Variants in LRRC7 observed in about 807,000 individuals in gnomAD.
The protein encoded by LRRC7 is leucine-rich repeat-containing protein 7.
LRRC7 carries 23 observed loss-of-function variants against 175.7 expected under a neutral mutation model. That is an observed-to-expected ratio of 0.13 (90% CI 0.09 to 0.19). The LOEUF (loss-of-function observed/expected upper bound fraction) is 0.19. Ranked by LOEUF, LRRC7 falls within the 10% of genes least tolerant of loss-of-function variation. LRRC7 has a pLI of 1.00. For synonymous variants in LRRC7, 685 were observed against 680.9 expected (o/e 1.01, Z -0.09); for missense variants, 1,354 against 1,904.7 (o/e 0.71, Z 5.38).
rs201571161 is a variant in LRRC7 at position 69,994,543 on chromosome 1, C to A, written c.932-18C>A. 8 of 1,542,922 alleles carry A rather than the reference C, an allele frequency of 5.2e-6. No homozygotes were observed. The highest frequency in any genetic ancestry group is 4.5e-5 in the East Asian group (2 of 44,430). On this transcript the variant is annotated intron_variant, in intron 10 of 26. Coordinates refer to ENST00000651989, the MANE Select transcript of LRRC7 (RefSeq NM_001370785.2). ...TAATCTGCTCTTATGTATTAATCAA[C>A]CTTCTTCTCTGCTTTAGGACTTTTG...
At chr1:69,696,037 T>C (rs1254559678) in intron 2 of LRRC7, among the ~76,000 whole-genome samples, 2 of 152,178 alleles carry the variant, frequency 1.3e-5, no homozygotes, top group African/African-American at 4.8e-5. Flanking sequence ...CTGCGGGAAT[T>C]GGGCCACTGC....
intron 17 of LRRC7, 79 bp from the exon 18 acceptor site, chr1:70,028,092 T>C (rs530236035): frequency 2.5e-6 from 3 of 1,216,614 alleles, no homozygotes; most frequent in African/African-American, 1.5e-5. Flanking sequence ...ATTATACTAC[T>C]GAATATAAAA....
intron 23 of LRRC7, among the ~76,000 whole-genome samples, chr1:70,054,744 G>A (rs1045813581): frequency 6.6e-5 from 10 of 151,428 alleles, no homozygotes; most frequent in African/African-American, 2.4e-4. Context: ...GGACTACAGG[G>A]GCCTGCCACC....
intron 4 of LRRC7, among the ~76,000 whole-genome samples, chr1:69,817,506 A>G (rs1678736710): frequency 6.6e-6 from 1 of 152,154 alleles, no homozygotes; most frequent in East Asian, 1.9e-4. Context: ...TGTTTGTGCC[A>G]ATATCAGCCC....
chr1:69,760,403 GACA>G lies in LRRC7; in HGVS notation c.303+13_303+15del. The G allele has an allele frequency of 6.2e-7, 1 of 1,604,278 alleles. No homozygotes were observed. The highest frequency in any genetic ancestry group is 1.7e-5 in the Admixed American group (1 of 59,812). On this transcript the variant is annotated intron_variant, in intron 3 of 26. Transcript: ENST00000651989. ...TGAAGAACTACCCAAGGTAACTTTT[GACA>G]ACCTAAAATATACAATGTAAATGAG...
chr1:70,082,053 A>G (rs1252532544), intron 24 of LRRC7, among the ~76,000 whole-genome samples: 1 of 152,216 alleles, frequency 6.6e-6, no homozygotes, highest in Non-Finnish European at 1.5e-5. Context: ...TGGAATACAT[A>G]AAACAGTTAG....
chr1:69,939,041 C>A (rs3069186), intron 8 of LRRC7, among the ~76,000 whole-genome samples: 6,949 of 48,778 alleles, frequency 0.14, 585 homozygotes, highest in East Asian at 0.28. Context: ...CTATATATAT[C>A]TATATCTATC....
At chr1:69,748,204 A>G (rs2100884206) in intron 2 of LRRC7, among the ~76,000 whole-genome samples, 1 of 152,326 alleles carries the variant, frequency 6.6e-6, no homozygotes, top group South Asian at 2.1e-4. Flanking sequence ...TTACAATACT[A>G]ATAAACTTAG....
chr1:69,749,340 A>G (rs78178613), intron 2 of LRRC7, among the ~76,000 whole-genome samples: 1 of 152,120 alleles, frequency 6.6e-6, no homozygotes, highest in African/African-American at 2.4e-5. Context: ...TAGTGTTACA[A>G]TGACTGTAAT....
chr1:69,634,823 A>G (rs986543087), intron 1 of LRRC7, among the ~76,000 whole-genome samples: 1 of 152,132 alleles, frequency 6.6e-6, no homozygotes, highest in Non-Finnish European at 1.5e-5. Context: ...CAGTGATCCT[A>G]ATGACAGAGT....
At position 69,672,340 on chromosome 1, in the gene LRRC7, C is replaced by T. The variant is rs750875161; in HGVS notation, c.3-6041C>T. ...TCAATAGCTGTATGTGGCTAGCAGC[C>T]ACTTTATTGGACAGCACAGATATTG... On this transcript the variant is annotated intron_variant, in intron 1 of 26. Transcript: ENST00000651989. Among the ~76,000 whole-genome samples, 72 of 152,164 alleles carry T rather than the reference C, an allele frequency of 4.7e-4. 1 individual carries two copies. The highest frequency in any genetic ancestry group is 2.0e-4 in the Admixed American group (3 of 15,278).
intron 7 of LRRC7, among the ~76,000 whole-genome samples, chr1:69,923,505 C>G (rs927682160): frequency 6.6e-6 from 1 of 152,068 alleles, no homozygotes. Context: ...TTAATGATTG[C>G]CATTCTAACT....
chr1:70,128,523 G>C lies in LRRC7; in HGVS notation c.*6636G>C, dbSNP rs1193369365. ...AACTTTATTTTCATAGCAAACTCTT[G>C]TACTTCCTCCACAGGAAAACATTTA... On this transcript the variant is annotated 3_prime_UTR_variant, in exon 27 of 27. Transcript: ENST00000651989. 2.6e-5 allele frequency: 4 copies of C among 152,092 alleles called. No individual in the cohort carries two copies. The highest frequency in any genetic ancestry group is 5.9e-5 in the Non-Finnish European group (4 of 68,030). The allele number at this position is 152,092 out of a possible 1,614,324, so 9.4% of individuals were successfully genotyped here.
chr1:70,076,271 A>G lies in LRRC7; in HGVS notation c.4425A>G (p.Gln1475=). 6.2e-7 allele frequency: 1 copy of G among 1,614,066 alleles called. No homozygotes were observed. Among genetic ancestry groups the G allele is most frequent in the South Asian group, 1.1e-5 (1 of 91,080 alleles). ...GGTGCTTAATTCAAACTAAAGGGCAAAGGAGTATGGATGGATATCCAGAGC... is the reference window on the plus strand; with the variant it reads ...GGTGCTTAATTCAAACTAAAGGGCAGAGGAGTATGGATGGATATCCAGAGC... The part of the protein sequence containing the change: ...PGRCLIQTKG[Q]RSMDGYPEQF... Residue 1475 remains glutamine (Q), a synonymous_variant, in exon 24 of 27, where the codon CAA becomes CAG. Coordinates refer to ENST00000651989, the MANE Select transcript of LRRC7 (RefSeq NM_001370785.2).
At chr1:70,118,007 C>A (rs879600094) in intron 26 of LRRC7, among the ~76,000 whole-genome samples, 1 of 151,610 alleles carries the variant, frequency 6.6e-6, no homozygotes, top group African/African-American at 2.4e-5. Flanking sequence ...TGGGTTTATA[C>A]CCTGCAATGA....
rs1471601600 is a variant in LRRC7 at position 69,908,278 on chromosome 1, C to T, written c.648-23229C>T. 5.0e-4 allele frequency among the ~76,000 whole-genome samples: 76 copies of T among 152,086 alleles called. 1 individual carries two copies. The highest frequency in any genetic ancestry group is 6.2e-4 in the South Asian group (3 of 4,806). On this transcript the variant is annotated intron_variant, in intron 7 of 26. Transcript: ENST00000651989. ...TCTATCTCCTTCAGTTCTGCTCTGA[C>T]TTTAGTTATTTCTTGCCTTCTGCTA...
chr1:69,673,561 T>A (rs188000466), intron 1 of LRRC7, among the ~76,000 whole-genome samples: 239 of 152,334 alleles, frequency 1.6e-3, no homozygotes, highest in African/African-American at 5.4e-3. Context: ...CAAGATTTCA[T>A]TTTTGGTCAT....
chr1:69,753,595 GTT>G (rs1670085630), intron 2 of LRRC7, among the ~76,000 whole-genome samples: 1 of 151,922 alleles, frequency 6.6e-6, no homozygotes, highest in African/African-American at 2.4e-5. Flanking sequence ...TTGTAAATTG[GTT>G]TGAATTTTTG....
chr1:69,937,225 C>T (rs1648134264), intron 8 of LRRC7, among the ~76,000 whole-genome samples: 1 of 152,106 alleles, frequency 6.6e-6, no homozygotes, highest in Admixed American at 6.6e-5. Context: ...AGTGAAGCAA[C>T]TATCATTGTC....
Sources: gnomAD v4.1 joint callset for allele counts (sites outside exome capture counted in the v4.1 genomes callset) on GRCh38, gnomAD v4.1.1 for gene constraint, MANE v1.5 for transcripts, NCBI Gene and HGNC (gene_info 2026-07-23, HGNC 2026-07-21) for gene names.